SORCS3: variants seen among roughly 807,000 people sequenced by gnomAD.
SORCS3 encodes the protein VPS10 domain-containing receptor SorCS3.
In SORCS3, 57 loss-of-function variants were observed where a neutral mutation model predicts 146.3. That is an observed-to-expected ratio of 0.39 (90% CI 0.31 to 0.49). The LOEUF (loss-of-function observed/expected upper bound fraction) is 0.49. Among genes scored for constraint, SORCS3 ranks in the 20% least tolerant of loss-of-function variants. SORCS3 has a pLI of 0.92. For missense variants in SORCS3, 1,341 were observed against 1,575.5 expected, an observed-to-expected ratio of 0.85 and a Z score of 2.52; for synonymous variants, 653 against 618.5, an observed-to-expected ratio of 1.06 and a Z score of -0.83.
At chr10:104,881,096 C>T (rs2018625828) in intron 2 of SORCS3, among the ~76,000 whole-genome samples, 1 of 152,120 alleles carries the variant, frequency 6.6e-6, no homozygotes, top group Admixed American at 6.5e-5. Flanking sequence ...ATTACATTCC[C>T]CGATAACATC....
rs550970730 is a variant in SORCS3 at position 105,221,070 on chromosome 10, C to T, written c.2735-2046C>T. ...GTAGATACTCTTCCTTTTAAGTATTCGGTTTTATTTTATTTTTAATTTTTG... is the reference window on the plus strand; with the variant it reads ...GTAGATACTCTTCCTTTTAAGTATTTGGTTTTATTTTATTTTTAATTTTTG... On this transcript the variant is annotated intron_variant, in intron 19 of 26. Coordinates refer to ENST00000369701, the MANE Select transcript of SORCS3 (RefSeq NM_014978.3). Among the ~76,000 whole-genome samples, 9 of 152,040 alleles carry T rather than the reference C, an allele frequency of 5.9e-5. No homozygotes were observed. The South Asian group carries it at 1.9e-3, about 32-fold the overall frequency.
intron 2 of SORCS3, among the ~76,000 whole-genome samples, chr10:104,867,565 TC>T (rs531086558): frequency 1.3e-5 from 2 of 152,060 alleles, no homozygotes; most frequent in Non-Finnish European, 2.9e-5. Context: ...CGCCTAGGCC[TC>T]CCAAAGTACT....
At chr10:104,785,603 T>A (rs1184136470) in intron 1 of SORCS3, among the ~76,000 whole-genome samples, 2 of 146,310 alleles carry the variant, frequency 1.4e-5, no homozygotes, top group Non-Finnish European at 3.0e-5. Flanking sequence ...AAAAAAAAAA[T>A]GTGCTTGCTG....
At chr10:104,834,026 T>C (rs936930682) in intron 1 of SORCS3, among the ~76,000 whole-genome samples, 2 of 152,194 alleles carry the variant, frequency 1.3e-5, no homozygotes, top group African/African-American at 4.8e-5. Flanking sequence ...TCACACCTCG[T>C]ATCTAATTTG....
At chr10:104,852,762 C>A (rs148705200) in intron 2 of SORCS3, among the ~76,000 whole-genome samples, 1 of 152,182 alleles carries the variant, frequency 6.6e-6, no homozygotes, top group Non-Finnish European at 1.5e-5. Flanking sequence ...TAGTTGCTCC[C>A]TCCTCTTTAT....
Position 104,803,807 on chromosome 10 carries a change from T to C in SORCS3, c.628-38985T>C, listed in dbSNP as rs1164132667. 2.0e-5 allele frequency among the ~76,000 whole-genome samples: 3 copies of C among 152,224 alleles called. No homozygotes were observed. In the East Asian group the frequency reaches 5.8e-4, roughly 29 times the overall value. On this transcript the variant is annotated intron_variant, in intron 1 of 26. Transcript: ENST00000369701. ...CTCATGAAAGGCAGTATTATTTTTCTGATCATTTTCTCCTCCAGCTCTTCC... is the reference window on the plus strand; with the variant it reads ...CTCATGAAAGGCAGTATTATTTTTCCGATCATTTTCTCCTCCAGCTCTTCC...
In SORCS3 at chr10:105,059,471, TCTATG is replaced by T. The variant is rs113328633; in HGVS notation, c.1028+16345_1028+16349del. The stretch of plus-strand genomic sequence containing the variant: ...GACATGAATGAGGTTACTGATTTTA[TCTATG>T]CCTGTTTAGATGTACTTAGGAATTC... On this transcript the variant is annotated intron_variant, in intron 5 of 26. Transcript: ENST00000369701. 8.8e-3 allele frequency among the ~76,000 whole-genome samples: 1,335 copies of T among 152,314 alleles called. 16 individuals are homozygous for T. The highest frequency in any genetic ancestry group is 0.03 in the African/African-American group (1,248 of 41,572).
intron 1 of SORCS3, among the ~76,000 whole-genome samples, chr10:104,740,199 T>C (rs909159268): frequency 2.0e-5 from 3 of 152,250 alleles, no homozygotes; most frequent in Non-Finnish European, 2.9e-5. Context: ...TAATTATTTA[T>C]GACAAATTCC....
intron 7 of SORCS3, among the ~76,000 whole-genome samples, chr10:105,106,563 G>A (rs2055823295): frequency 6.6e-6 from 1 of 152,076 alleles, no homozygotes; most frequent in South Asian, 2.1e-4. Flanking sequence ...CTCTCCCTTG[G>A]CCCTAACAAG....
chr10:104,899,144 A>G (rs1184121486), intron 2 of SORCS3, among the ~76,000 whole-genome samples: 1 of 152,204 alleles, frequency 6.6e-6, no homozygotes, highest in African/African-American at 2.4e-5. Flanking sequence ...GCAGCTTCCT[A>G]TAAAATGTAA....
chr10:105,129,331 C>CTCTTT (rs1172062304), intron 7 of SORCS3, among the ~76,000 whole-genome samples: 29 of 104,616 alleles, frequency 2.8e-4, no homozygotes, highest in Middle Eastern at 4.7e-3. Flanking sequence ...CTTTCTTTCT[C>CTCTTT]TTTTTTTTTT....
chr10:105,055,844 G>T (rs777900211), intron 5 of SORCS3, among the ~76,000 whole-genome samples: 59 of 152,124 alleles, frequency 3.9e-4, no homozygotes, highest in Non-Finnish European at 7.5e-4. Context: ...AATATTTCTG[G>T]CTTGATGTTA....
At position 105,238,956 on chromosome 10, in the gene SORCS3, G is replaced by A. The variant is rs1417773726; in HGVS notation, c.2869-6586G>A. ...AAAGACAAAGGAATAAAGCCAAATA[G>A]AATCTATAACTATCACTTTAGCTTT... On this transcript the variant is annotated intron_variant, in intron 20 of 26. Transcript: ENST00000369701. Among the ~76,000 whole-genome samples the A allele has an allele frequency of 2.0e-5, 3 of 152,070 alleles. 1 individual carries two copies. The highest frequency in any genetic ancestry group is 2.0e-4 in the Admixed American group (3 of 15,258).
chr10:105,048,069 C>G (rs2055386090), intron 5 of SORCS3, among the ~76,000 whole-genome samples: 1 of 151,950 alleles, frequency 6.6e-6, no homozygotes, highest in Admixed American at 6.6e-5. Flanking sequence ...AATAGGAACA[C>G]TTTTACACTG....
intron 2 of SORCS3, among the ~76,000 whole-genome samples, chr10:104,906,285 G>A (rs1207261004): frequency 6.6e-6 from 1 of 152,164 alleles, no homozygotes; most frequent in Non-Finnish European, 1.5e-5. Flanking sequence ...TTTGTTAAGT[G>A]TTGGCCACCT....
At chr10:104,737,970 A>T (rs1413681962) in intron 1 of SORCS3, among the ~76,000 whole-genome samples, 1 of 151,284 alleles carries the variant, frequency 6.6e-6, no homozygotes, top group Non-Finnish European at 1.5e-5. Flanking sequence ...TAAGGAAGGG[A>T]TCCAGTTTCA....
intron 7 of SORCS3, among the ~76,000 whole-genome samples, chr10:105,127,770 C>T (rs1263465201): frequency 6.6e-6 from 1 of 152,170 alleles, no homozygotes; most frequent in Admixed American, 6.5e-5. Context: ...AAAAAAAGAG[C>T]CCTGGGAATC....
intron 1 of SORCS3, among the ~76,000 whole-genome samples, chr10:104,671,325 CTTTTTTTTTTTTTTT>C (rs771029154): frequency 5.2e-5 from 1 of 19,194 alleles, no homozygotes; most frequent in South Asian, 4.7e-3. Context: ...CATTCTTTTC[CTTTTTTTTTTTTTTT>C]TTTTTTTTTT....
intron 2 of SORCS3, among the ~76,000 whole-genome samples, chr10:104,853,619 G>C (rs1005625049): frequency 1.3e-5 from 2 of 152,176 alleles, no homozygotes; most frequent in Admixed American, 1.3e-4. Flanking sequence ...AAATGGAAGA[G>C]ACCACTTGGG....
Sources: allele counts gnomAD v4.1 joint callset (sites outside exome capture counted in the v4.1 genomes callset), GRCh38; gene constraint gnomAD v4.1.1; transcripts MANE v1.5; gene names NCBI Gene and HGNC (gene_info 2026-07-23, HGNC 2026-07-21).